The following NBPF3 variants were observed in gnomAD, a reference collection of about 807,000 sequenced individuals.
The protein encoded by NBPF3 is NBPF family member NBPF3.
In NBPF3, 57 loss-of-function variants were observed where a neutral mutation model predicts 78.1. That is an observed-to-expected ratio of 0.73 (90% CI 0.59 to 0.91). The LOEUF is 0.91. NBPF3 is among the 40% of genes least tolerant of loss of function. The pLI is 0.00. For missense variants in NBPF3, 510 were observed against 715.3 expected (o/e 0.71, Z 3.27); for synonymous variants, 182 against 271.7 (o/e 0.67, Z 3.25).
At chr1:21,466,027 G>A in intron 2 of NBPF3, 1 of 771,486 alleles carries the variant, frequency 1.3e-6, no homozygotes, top group Non-Finnish European at 1.6e-6. Context: ...CCACTCTACA[G>A]TATGGGTTGC....
chr1:21,467,853 A>G (rs1343324736), intron 2 of NBPF3, among the ~76,000 whole-genome samples: 12 of 152,124 alleles, frequency 7.9e-5, no homozygotes, highest in Non-Finnish European at 1.3e-4. Context: ...ACATAGAGGA[A>G]GAGCTCTGGA....
intron 3 of NBPF3, among the ~76,000 whole-genome samples, chr1:21,469,729 AAGC>A (rs1642481743): frequency 6.6e-6 from 1 of 152,124 alleles, no homozygotes; most frequent in Admixed American, 6.5e-5. Context: ...GTCAAAAGAA[AAGC>A]AGAGAGTACC....
At chr1:21,446,372 G>A (rs1187922382) in intron 2 of NBPF3, 1 of 152,172 alleles carries the variant, frequency 6.6e-6, no homozygotes, top group African/African-American at 2.4e-5. Context: ...TAACTGGTTA[G>A]TGTGTTCCTG....
At chr1:21,437,621 A>C, upstream of NBPF3, 2 of 426,092 alleles carry the variant, frequency 4.7e-6, no homozygotes, top group South Asian at 6.1e-5. Flanking sequence ...GTGACTCTGC[A>C]CTAATATGGT....
intron 2 of NBPF3, among the ~76,000 whole-genome samples, chr1:21,463,169 A>C (rs889395941): frequency 3.3e-5 from 5 of 152,220 alleles, no homozygotes; most frequent in Non-Finnish European, 5.9e-5. Flanking sequence ...CAACCCCTGC[A>C]GTCCCCTCTG....
intron 3 of NBPF3, among the ~76,000 whole-genome samples, chr1:21,469,148 C>G (rs915671430): frequency 6.6e-6 from 1 of 152,192 alleles, no homozygotes; most frequent in African/African-American, 2.4e-5. Context: ...GGGACACAGG[C>G]ACAGAACGAC....
intron 2 of NBPF3, among the ~76,000 whole-genome samples, chr1:21,455,584 G>T (rs1641555172): frequency 6.6e-6 from 1 of 152,208 alleles, no homozygotes; most frequent in Non-Finnish European, 1.5e-5. Flanking sequence ...TCTTTGGGGA[G>T]AATTTCTCAG....
At chr1:21,475,090 C>A in intron 8 of NBPF3, 139 bp downstream of exon 8, 2 of 738,868 alleles carry the variant, frequency 2.7e-6, no homozygotes, top group Non-Finnish European at 2.2e-6. Context: ...CAATGTTGTA[C>A]ATTATTTGTG....
chr1:21,454,192 G>T (rs1458565944), intron 2 of NBPF3: 1 of 152,250 alleles, frequency 6.6e-6, no homozygotes, highest in Non-Finnish European at 1.5e-5. Flanking sequence ...GATGACTCAT[G>T]AGGATGTTGA....
Position 21,483,367 on chromosome 1 carries a change from G to C in NBPF3, c.1883G>C (p.Gly628Ala). The stretch of plus-strand genomic sequence containing the variant: ...AGGCACCACCTGGCCTTCCAGATGG[G>C]AGTCATATTCCCACACTAAGCAGCC... ...VIRHHLAFQM[G>A]VIFPH The change falls in exon 15 of 15, where the codon GGA (glycine) becomes GCA (alanine). Residue 628 changes from glycine (G) to alanine (A), a missense_variant. Physicochemically the swap from Gly to Ala is moderately conservative, Grantham distance 60 (BLOSUM62 0). This residue lies in a region of NBPF3 where 18 missense variants were observed against 65.2 expected (regional missense o/e 0.28). Coordinates refer to ENST00000318249, the MANE Select transcript of NBPF3 (RefSeq NM_032264.6). The C allele has an allele frequency of 1.1e-6, 1 of 945,442 alleles. No homozygotes were observed. Among genetic ancestry groups the C allele is most frequent in the Non-Finnish European group, 1.5e-6 (1 of 656,278 alleles). 58.6% of individuals were successfully genotyped at this position (945,442 alleles called of 1,614,324 possible). A position where few individuals can be genotyped will look rare whatever the true frequency, so the allele number is the denominator to read the frequency against.
upstream of NBPF3, among the ~76,000 whole-genome samples, chr1:21,438,683 C>A (rs1449996784): frequency 6.6e-6 from 1 of 151,142 alleles, no homozygotes; most frequent in Non-Finnish European, 1.5e-5. Flanking sequence ...TGGAGTCGTT[C>A]CTGTTATTTT....
chr1:21,472,124 C>T (rs1438929075), intron 5 of NBPF3, among the ~76,000 whole-genome samples: 1 of 152,160 alleles, frequency 6.6e-6, no homozygotes, highest in South Asian at 2.1e-4. Flanking sequence ...GGCAGGTTCC[C>T]AGGCTGTCTC....
intron 2 of NBPF3, among the ~76,000 whole-genome samples, chr1:21,450,940 A>G (rs1641272974): frequency 6.6e-6 from 1 of 152,266 alleles, no homozygotes; most frequent in African/African-American, 2.4e-5. Context: ...TCAATGACCC[A>G]AAATAGTTTG....
intron 2 of NBPF3, among the ~76,000 whole-genome samples, chr1:21,455,454 G>A (rs1400091332): frequency 6.6e-6 from 1 of 152,214 alleles, no homozygotes. Context: ...GCTTCTGTCT[G>A]TTAGAATAAA....
rs1827293 is a variant in NBPF3, at chr1:21,468,895, A to T, written c.341A>T (p.Tyr114Phe). 2 of 1,612,116 alleles carry T rather than the reference A, an allele frequency of 1.2e-6. No individual in the cohort carries two copies. The highest frequency in any genetic ancestry group is 4.5e-5 in the East Asian group (2 of 44,842). ...TTCCTGGCCAACCGGCAAAATAATT[A>T]CGGTAAGTTCTATAGGCTCACCATC... The part of the protein sequence containing the change: ...AYFLANRQNN[Y>F]DYEDCKDLIK... The change falls in exon 3 of 15, where the codon TAC becomes TTC. Residue 114 changes from tyrosine to phenylalanine, a missense_variant and splice_region_variant. Coordinates refer to ENST00000318249, the MANE Select transcript of NBPF3 (RefSeq NM_032264.6).
At chr1:21,464,055 A>C (rs528649992) in intron 2 of NBPF3, among the ~76,000 whole-genome samples, 19 of 152,224 alleles carry the variant, frequency 1.2e-4, no homozygotes, top group Non-Finnish European at 2.5e-4. Context: ...TGAGTTCCTC[A>C]AAAAGTTAAA....
At chr1:21,464,106 A>G (rs1433283291) in intron 2 of NBPF3, among the ~76,000 whole-genome samples, 5 of 152,240 alleles carry the variant, frequency 3.3e-5, no homozygotes, top group Non-Finnish European at 7.3e-5. Flanking sequence ...TGATGCAGCA[A>G]TTGCACTCCT....
At chr1:21,477,920 T>C (rs1201126706) in intron 8 of NBPF3, 1 of 849,950 alleles carries the variant, frequency 1.2e-6, no homozygotes, top group Non-Finnish European at 1.8e-6. Context: ...TTGGCTGATC[T>C]GTGGCAAATG....
chr1:21,474,259 A>G (rs1004262487), intron 7 of NBPF3, among the ~76,000 whole-genome samples: 14 of 148,292 alleles, frequency 9.4e-5, no homozygotes, highest in Non-Finnish European at 7.4e-5. Context: ...GCTGGAGTGC[A>G]ATGGCTCCAT....
Sources: gnomAD v4.1 joint callset for allele counts (sites outside exome capture counted in the v4.1 genomes callset) on GRCh38, gnomAD v4.1.1 for gene constraint, gnomAD v4.1.1 regional missense constraint, MANE v1.5 for transcripts, NCBI Gene and HGNC (gene_info 2026-07-23, HGNC 2026-07-21) for gene names.